The following GPC6 variants were observed in gnomAD, a reference collection of about 807,000 sequenced individuals.
GPC6 encodes the protein glypican 6, also known as glypican-6.
Under a neutral mutation model 55.2 loss-of-function variants are expected in GPC6, and 14 were observed. The ratio of observed to expected loss-of-function variants is 0.25; its 90% CI spans 0.17 to 0.40. The LOEUF is 0.40. Among genes scored for constraint, GPC6 ranks in the 10% least tolerant of loss-of-function variants. The pLI is 1.00. For synonymous variants in GPC6, 278 were observed against 259.6 expected (o/e 1.07, Z -0.68); for missense variants, 641 against 708.5 (o/e 0.90, Z 1.08).
chr13:94,239,714 G>A (rs1467415212), intron 4 of GPC6, among the ~76,000 whole-genome samples: 1 of 152,132 alleles, frequency 6.6e-6, no homozygotes, highest in Non-Finnish European at 1.5e-5. Context: ...AGTTAGGAAA[G>A]GCCAAAGTTA....
At chr13:94,189,423 C>T (rs1031269637) in intron 4 of GPC6, among the ~76,000 whole-genome samples, 7 of 152,068 alleles carry the variant, frequency 4.6e-5, no homozygotes, top group African/African-American at 1.7e-4. Context: ...GGCATGCTCC[C>T]CACCCTGGGA....
At chr13:93,462,735 C>A (rs1878741007) in intron 1 of GPC6, among the ~76,000 whole-genome samples, 1 of 151,654 alleles carries the variant, frequency 6.6e-6, no homozygotes, top group African/African-American at 2.4e-5. Context: ...GTAAAGAGGT[C>A]ACCTAACTTA....
At chr13:94,385,707 A>G (rs1880372082) in intron 7 of GPC6, among the ~76,000 whole-genome samples, 1 of 152,190 alleles carries the variant, frequency 6.6e-6, no homozygotes, top group Non-Finnish European at 1.5e-5. Flanking sequence ...ATGGATCACC[A>G]ATAAAGACTT....
intron 1 of GPC6, among the ~76,000 whole-genome samples, chr13:93,244,870 T>G (rs1876547619): frequency 6.6e-6 from 1 of 152,138 alleles, no homozygotes; most frequent in Non-Finnish European, 1.5e-5. Flanking sequence ...CTCTACATAC[T>G]ATTTTGCTCT....
intron 4 of GPC6, among the ~76,000 whole-genome samples, chr13:94,099,316 A>G (rs1396106735): frequency 6.6e-6 from 1 of 152,162 alleles, no homozygotes; most frequent in African/African-American, 2.4e-5. Flanking sequence ...AAAGAGATAT[A>G]ATGTTGTGTA....
chr13:94,287,943 G>A, intron 5 of GPC6, among the ~76,000 whole-genome samples: 1 of 152,190 alleles, frequency 6.6e-6, no homozygotes, highest in East Asian at 1.9e-4. Flanking sequence ...AGAAGTAGGT[G>A]TCTGTTTCCA....
chr13:94,331,930 C>CT (rs1292949592), intron 6 of GPC6, among the ~76,000 whole-genome samples: 3 of 152,142 alleles, frequency 2.0e-5, no homozygotes, highest in Non-Finnish European at 4.4e-5. Context: ...TCTTCTCTCT[C>CT]TTTTTTTCTT....
chr13:93,436,955 T>A (rs1316502515), intron 1 of GPC6, among the ~76,000 whole-genome samples: 4 of 152,012 alleles, frequency 2.6e-5, no homozygotes, highest in Non-Finnish European at 4.4e-5. Context: ...TTGGTGCCAT[T>A]TTTTTTTCTC....
intron 4 of GPC6, among the ~76,000 whole-genome samples, chr13:94,213,595 GA>G (rs1194107436): frequency 6.6e-6 from 1 of 152,170 alleles, no homozygotes; most frequent in East Asian, 1.9e-4. Context: ...ACCGGTCTAG[GA>G]TGGTCTCACC....
At chr13:94,078,064 T>G (rs1884979864) in intron 4 of GPC6, among the ~76,000 whole-genome samples, 1 of 151,942 alleles carries the variant, frequency 6.6e-6, no homozygotes, top group Non-Finnish European at 1.5e-5. Context: ...ATGTCAAGTA[T>G]CTTTTCTGAA....
chr13:93,760,025 C>CAAAA lies in GPC6; in HGVS notation c.320-70121_320-70118dup, dbSNP rs10639785. Among the ~76,000 whole-genome samples, 596 of 148,100 alleles carry CAAAA rather than the reference C, an allele frequency of 4.0e-3. 4 individuals are homozygous for CAAAA. The highest frequency in any genetic ancestry group is 0.014 in the African/African-American group (566 of 40,284). On this transcript the variant is annotated intron_variant, in intron 2 of 8. Transcript: ENST00000377047. ...GAAAAGGAAAAAAATGCTGAGAAAA[C>CAAAA]AAAAAAAAAAATCGTGAATAACAGG... is the stretch of plus-strand genomic sequence containing the variant.
chr13:94,155,745 A>C (rs953449785), intron 4 of GPC6, among the ~76,000 whole-genome samples: 2 of 152,126 alleles, frequency 1.3e-5, no homozygotes, highest in Non-Finnish European at 2.9e-5. Flanking sequence ...TGCTATTTCC[A>C]TTTAGGATAA....
intron 2 of GPC6, among the ~76,000 whole-genome samples, chr13:93,772,303 C>T (rs1194135517): frequency 2.0e-5 from 3 of 152,120 alleles, no homozygotes; most frequent in Admixed American, 2.0e-4. Context: ...ACATCACCCT[C>T]TGTCAGGAAG....
At chr13:93,667,012 A>G (rs1374466464) in intron 2 of GPC6, among the ~76,000 whole-genome samples, 11 of 152,094 alleles carry the variant, frequency 7.2e-5, no homozygotes, top group Admixed American at 2.0e-4. Flanking sequence ...TTTTGGAACA[A>G]TGCTGTATTT....
chr13:93,245,640 T>C (rs1251775252), intron 1 of GPC6, among the ~76,000 whole-genome samples: 1 of 152,192 alleles, frequency 6.6e-6, no homozygotes, highest in African/African-American at 2.4e-5. Context: ...ATACTCTGGT[T>C]GCCATTCATT....
chr13:94,130,111 T>C (rs1886957951), intron 4 of GPC6, among the ~76,000 whole-genome samples: 1 of 152,160 alleles, frequency 6.6e-6, no homozygotes, highest in Non-Finnish European at 1.5e-5. Flanking sequence ...TTAGGATCTG[T>C]TGGACTTTTG....
In GPC6 at chr13:94,403,156, A is replaced by T; in HGVS notation, c.1607A>T (p.His536Leu). ...EVDSSAAQRG[H>L]SLLSWSLTCI... ...GACTCTTCTGCAGCCCAGCGTGGCC[A>T]CTCCCTGCTCTCCTGGTCTCTCACC... is the stretch of plus-strand genomic sequence containing the variant. The change falls in exon 9 of 9, where the codon CAC becomes CTC. Residue 536 changes from histidine (H) to leucine (L), a missense_variant. His to Leu is a moderately conservative substitution (Grantham distance 99, BLOSUM62 -3). Coordinates refer to ENST00000377047, the MANE Select transcript of GPC6 (RefSeq NM_005708.5). 6.2e-7 allele frequency: 1 copy of T among 1,613,894 alleles called. No individual in the cohort carries two copies. The highest frequency in any genetic ancestry group is 8.5e-7 in the Non-Finnish European group (1 of 1,179,892).
intron 1 of GPC6, among the ~76,000 whole-genome samples, chr13:93,522,351 T>C (rs1286469110): frequency 6.6e-6 from 1 of 152,022 alleles, no homozygotes; most frequent in Non-Finnish European, 1.5e-5. Context: ...TTTGTGTTCA[T>C]GTATAATTCA....
At chr13:94,328,305 T>C (rs1473713422) in intron 6 of GPC6, among the ~76,000 whole-genome samples, 3 of 152,202 alleles carry the variant, frequency 2.0e-5, no homozygotes, top group African/African-American at 4.8e-5. Context: ...GAACCTACCT[T>C]TTCCATCTTT....
Sources: allele counts gnomAD v4.1 joint callset (sites outside exome capture counted in the v4.1 genomes callset), GRCh38; gene constraint gnomAD v4.1.1; transcripts MANE v1.5; gene names NCBI Gene and HGNC (gene_info 2026-07-23, HGNC 2026-07-21).